The following PTPRD variants were observed in gnomAD, a reference collection of about 807,000 sequenced individuals.
PTPRD encodes the protein receptor-type tyrosine-protein phosphatase delta.
PTPRD carries 34 observed loss-of-function variants against 214.5 expected under a neutral mutation model. That is an observed-to-expected ratio of 0.16 (90% confidence interval 0.12 to 0.21). The LOEUF (loss-of-function observed/expected upper bound fraction) is 0.21, where lower values mean the gene tolerates loss of function less well. Ranked by LOEUF, PTPRD falls within the 10% of genes least tolerant of loss-of-function variation. PTPRD has a pLI of 1.00. For missense variants in PTPRD, 2,545 were observed against 2,398.7 expected (o/e 1.06, Z -1.27); for synonymous variants, 1,128 against 845.7 (o/e 1.33, Z -5.79).
At chr9:10,422,882 T>G (rs1326132850) in intron 2 of PTPRD, among the ~76,000 whole-genome samples, 2 of 152,118 alleles carry the variant, frequency 1.3e-5, no homozygotes, top group Non-Finnish European at 2.9e-5. Flanking sequence ...TCAACCATTG[T>G]GGAAGACAGT....
intron 9 of PTPRD, among the ~76,000 whole-genome samples, chr9:9,386,197 G>A (rs10114748): frequency 6.6e-6 from 1 of 151,916 alleles, no homozygotes; most frequent in Non-Finnish European, 1.5e-5. Context: ...GCATCTTCTA[G>A]ATTTCCCTTA....
chr9:9,377,249 G>T (rs1037231569), intron 9 of PTPRD, among the ~76,000 whole-genome samples: 2 of 152,010 alleles, frequency 1.3e-5, no homozygotes, highest in African/African-American at 4.8e-5. Context: ...TATAGACATT[G>T]AAATTACTAT....
chr9:8,376,181 T>A, intron 38 of PTPRD, 91 bp from the exon 39 acceptor site: 2 of 1,440,808 alleles, frequency 1.4e-6, no homozygotes, highest in Non-Finnish European at 1.9e-6. Context: ...TAAAATGTGC[T>A]ATTTTAATTC....
At chr9:8,732,535 G>A (rs1430540272) in intron 12 of PTPRD, among the ~76,000 whole-genome samples, 1 of 151,984 alleles carries the variant, frequency 6.6e-6, no homozygotes, top group Non-Finnish European at 1.5e-5. Context: ...CTAACATTTG[G>A]GTCTTTTCCC....
At chr9:9,953,255 C>T (rs1215947382) in intron 4 of PTPRD, among the ~76,000 whole-genome samples, 1 of 152,088 alleles carries the variant, frequency 6.6e-6, no homozygotes, top group Non-Finnish European at 1.5e-5. Flanking sequence ...GACTGCCCTC[C>T]ACGATGTGGA....
chr9:9,417,399 A>G (rs2077308459), intron 8 of PTPRD, among the ~76,000 whole-genome samples: 1 of 152,100 alleles, frequency 6.6e-6, no homozygotes, highest in African/African-American at 2.4e-5. Flanking sequence ...AAAACCTTAG[A>G]GGTTTGTGTT....
chr9:9,386,047 T>A (rs1345668540), intron 9 of PTPRD, among the ~76,000 whole-genome samples: 1 of 152,124 alleles, frequency 6.6e-6, no homozygotes, highest in Non-Finnish European at 1.5e-5. Context: ...AATACTTACC[T>A]AAGGGAAAAT....
At chr9:9,379,839 G>T (rs1367940354) in intron 9 of PTPRD, among the ~76,000 whole-genome samples, 1 of 151,882 alleles carries the variant, frequency 6.6e-6, no homozygotes, top group Non-Finnish European at 1.5e-5. Flanking sequence ...CTTGTTCATT[G>T]TTGGTATATA....
chr9:10,554,905 C>T (rs2062153678), intron 2 of PTPRD, among the ~76,000 whole-genome samples: 1 of 152,150 alleles, frequency 6.6e-6, no homozygotes, highest in Admixed American at 6.5e-5. Context: ...CGTGATCCGC[C>T]CACCTGGGCC....
chr9:9,177,219 A>G (rs1304332731), intron 10 of PTPRD, among the ~76,000 whole-genome samples: 1 of 152,060 alleles, frequency 6.6e-6, no homozygotes, highest in African/African-American at 2.4e-5. Context: ...ACAGCCCCTT[A>G]TAAAACCATC....
At chr9:8,320,302 T>G (rs978863826) in intron 44 of PTPRD, among the ~76,000 whole-genome samples, 2 of 152,082 alleles carry the variant, frequency 1.3e-5, no homozygotes, top group Admixed American at 6.6e-5. Flanking sequence ...ATTCTGAAAT[T>G]TACAACCTGC....
intron 14 of PTPRD, among the ~76,000 whole-genome samples, chr9:8,597,191 C>T (rs1198614821): frequency 6.6e-6 from 1 of 152,082 alleles, no homozygotes; most frequent in East Asian, 1.9e-4. Flanking sequence ...CTAGATTTAA[C>T]CCTGGAAGAG....
At chr9:10,470,976 CAAT>C (rs1357427014) in intron 2 of PTPRD, among the ~76,000 whole-genome samples, 1 of 152,078 alleles carries the variant, frequency 6.6e-6, no homozygotes, top group Non-Finnish European at 1.5e-5. Context: ...GCCATAAAAA[CAAT>C]GAGTTCACGT....
At chr9:8,961,426 T>A (rs2099158175) in intron 11 of PTPRD, among the ~76,000 whole-genome samples, 1 of 152,110 alleles carries the variant, frequency 6.6e-6, no homozygotes, top group Non-Finnish European at 1.5e-5. Context: ...GATCCTGGAA[T>A]ACTCCTCCCA....
intron 6 of PTPRD, among the ~76,000 whole-genome samples, chr9:9,759,064 C>A (rs1469578083): frequency 6.6e-6 from 1 of 152,026 alleles, no homozygotes. Flanking sequence ...GACTTTTTAT[C>A]AAACCAATTT....
intron 3 of PTPRD, among the ~76,000 whole-genome samples, chr9:10,300,835 C>T (rs2095841948): frequency 6.6e-6 from 1 of 152,068 alleles, no homozygotes; most frequent in Non-Finnish European, 1.5e-5. Context: ...GCTGTGGGTG[C>T]AGCTTCAGCA....
intron 9 of PTPRD, among the ~76,000 whole-genome samples, chr9:9,209,720 T>C (rs2099947297): frequency 6.6e-6 from 1 of 152,216 alleles, no homozygotes; most frequent in Non-Finnish European, 1.5e-5. Context: ...TTCATTATAC[T>C]ATTCTGTTGA....
intron 26 of PTPRD, among the ~76,000 whole-genome samples, chr9:8,496,202 AC>A (rs1563827717): frequency 0.015 from 2,163 of 146,974 alleles, 17 homozygotes; most frequent in Middle Eastern, 0.041. Context: ...ACACACACAC[AC>A]ACACACAAAC....
chr9:9,291,682 G>C (rs1951188307), intron 9 of PTPRD, among the ~76,000 whole-genome samples: 1 of 150,784 alleles, frequency 6.6e-6, no homozygotes, highest in African/African-American at 2.4e-5. Context: ...GCTATTTAAA[G>C]GGTAATTGTG....
Sources: allele counts gnomAD v4.1 joint callset (sites outside exome capture counted in the v4.1 genomes callset), GRCh38; gene constraint gnomAD v4.1.1; transcripts MANE v1.5; gene names NCBI Gene and HGNC (gene_info 2026-07-23, HGNC 2026-07-21).